Variants in NOP2 observed in about 807,000 individuals in gnomAD.
NOP2 encodes the protein NOP2 nucleolar protein.
A neutral mutation model predicts 72.7 loss-of-function variants in NOP2; 7 were observed. The observed-to-expected ratio is 0.10, with a 90% CI of 0.05 to 0.18. The LOEUF (loss-of-function observed/expected upper bound fraction) is 0.18, where lower values mean the gene tolerates loss of function less well. Among genes scored for constraint, NOP2 ranks in the 10% least tolerant of loss-of-function variants. NOP2 has a pLI of 1.00. For synonymous variants in NOP2, 387 were observed against 388.0 expected (o/e 1.00, Z 0.03); for missense variants, 954 against 1,014.7 (o/e 0.94, Z 0.81).
At chr12:6,567,031 T>C (rs1947798837) in intron 2 of NOP2, among the ~76,000 whole-genome samples, 1 of 151,906 alleles carries the variant, frequency 6.6e-6, no homozygotes, top group African/African-American at 2.4e-5. Flanking sequence ...TGGAGTGCAA[T>C]GGCGTGATCT....
At position 6,557,578 on chromosome 12, in the gene NOP2, G is replaced by A. The variant is rs200926235; in HGVS notation, c.1854C>T (p.Asn618=). 10 of 1,613,878 alleles carry A rather than the reference G, an allele frequency of 6.2e-6. No individual in the cohort carries two copies. In the African/African-American group the frequency reaches 8.0e-5, roughly 13 times the overall value. Residue 618 remains asparagine (N), a synonymous_variant, in exon 16 of 16, where the codon AAC becomes AAT. Transcript: ENST00000322166. Reference sequence around the variant, plus strand: ...TGGCTTTCTTGGCTGGCTGGCTGCTGTTCTCAGACTTGGGGATGACCTGAG... The same window carrying A: ...TGGCTTTCTTGGCTGGCTGGCTGCTATTCTCAGACTTGGGGATGACCTGAG... The part of the protein sequence containing the change: ...DLPQVIPKSE[N]SSQPAKKAKG...
Position 6,557,535 on chromosome 12 carries a change from T to C in NOP2, c.1897A>G (p.Lys633Glu), listed in dbSNP as rs539899594. 1 of 1,613,974 alleles carries C rather than the reference T, an allele frequency of 6.2e-7. No homozygotes were observed. The highest frequency in any genetic ancestry group is 2.2e-5 in the East Asian group (1 of 44,872). The part of the protein sequence containing the change: ...AKKAKGAAKT[K>E]QQLQKQQHPK... The stretch of plus-strand genomic sequence containing the variant: ...TGTTGCTGTTTCTGCAGCTGCTGCT[T>C]TGTCTTTGCAGCCCCCTTGGCTTTC... The change falls in exon 16 of 16, where the codon AAG (lysine) becomes GAG (glutamate). Residue 633 changes from lysine (K) to glutamate (E), a missense_variant. Transcript: ENST00000322166.
At chr12:6,563,279 A>G (rs1947694879) in intron 8 of NOP2, 36 bp downstream of exon 8, 1 of 1,561,948 alleles carries the variant, frequency 6.4e-7, no homozygotes, top group African/African-American at 1.4e-5. Context: ...GAGGCGAGAA[A>G]AGAAAAGCAA....
intron 15 of NOP2, among the ~76,000 whole-genome samples, chr12:6,558,730 C>G (rs1482114074): frequency 6.6e-6 from 1 of 151,726 alleles, no homozygotes; most frequent in East Asian, 1.9e-4. Context: ...CCTACCTCAG[C>G]CTCCAGAGTA....
chr12:6,561,532 G>T, intron 11 of NOP2, 132 bp downstream of exon 11: 1 of 1,151,662 alleles, frequency 8.7e-7, no homozygotes. Flanking sequence ...TCCAGAAACT[G>T]GTCCTCACCA....
rs756829555 is a variant in NOP2 at position 6,560,329 on chromosome 12, G to A, written c.1561-3C>T. ...ACCACCCACTCATTCTCTTCTACCT[G>A]GATGTGGGGGGAAGACAAAGAACGG... is the stretch of plus-strand genomic sequence containing the variant. On this transcript the variant is annotated splice_region_variant and splice_polypyrimidine_tract_variant and intron_variant, in intron 14 of 15. Transcript: ENST00000322166. This position sits in a 1 kb window ranked among gnomAD's most constrained non-coding sequence, Gnocchi z 5.0. 5 of 1,611,936 alleles carry A rather than the reference G, an allele frequency of 3.1e-6. No homozygotes were observed. The highest frequency in any genetic ancestry group is 4.2e-6 in the Non-Finnish European group (5 of 1,178,174).
At chr12:6,561,526 G>A in intron 11 of NOP2, 138 bp downstream of exon 11, 1 of 1,101,006 alleles carries the variant, frequency 9.1e-7, no homozygotes, top group Non-Finnish European at 1.3e-6. Context: ...GCCGACTCCA[G>A]AAACTGGTCC....
At chr12:6,558,180 TG>T in intron 15 of NOP2, 1 of 364,808 alleles carries the variant, frequency 2.7e-6, no homozygotes. Flanking sequence ...TGCCTATCCT[TG>T]GGCCAAAAGG....
rs895543112 is a variant in NOP2, at chr12:6,563,426, T to C, written c.777A>G (p.Glu259=). The change falls in exon 8 of 16, where the codon GAA becomes GAG. Residue 259 remains glutamate (E), a synonymous_variant. Coordinates refer to ENST00000322166, the MANE Select transcript of NOP2 (RefSeq NM_001258308.2). Reference sequence around the variant, plus strand: ...TCAGGTATTCAGAACGAGACCGCCCTTCCTCCCGCTGAGCCCCAAAATCAC... The same window carrying C: ...TCAGGTATTCAGAACGAGACCGCCCCTCCTCCCGCTGAGCCCCAAAATCAC... The part of the protein sequence containing the change: ...ILRDFGAQRE[E]GRSRSEYLNR... 3.7e-6 allele frequency: 6 copies of C among 1,609,192 alleles called. No homozygotes were observed. Among genetic ancestry groups the C allele is most frequent in the Admixed American group, 3.4e-5 (2 of 59,244 alleles).
At position 6,566,313 on chromosome 12, in the gene NOP2, T is replaced by A. The variant is rs1565592607; in HGVS notation, c.262A>T (p.Thr88Ser). ...GACTGGGGTCCCTTCTTACCAGCTGTCTGGACAGCTCCTGCAGAGATCCCT... is the reference window on the plus strand; with the variant it reads ...GACTGGGGTCCCTTCTTACCAGCTGACTGGACAGCTCCTGCAGAGATCCCT... The part of the protein sequence containing the change: ...PKGISAGAVQ[T>S]AGKKGPQSLF... The change falls in exon 5 of 16, where the codon ACA becomes TCA. Residue 88 changes from threonine to serine, a missense_variant. Around this residue, in one of 3 missense-constraint regions of NOP2, gnomAD observed 498 missense variants for 478.3 expected, o/e 1.04. Transcript: ENST00000322166. The A allele has an allele frequency of 6.2e-7, 1 of 1,613,652 alleles. No individual in the cohort carries two copies. Among genetic ancestry groups the A allele is most frequent in the Non-Finnish European group, 8.5e-7 (1 of 1,179,774 alleles).
chr12:6,560,855 G>A lies in NOP2; in HGVS notation c.1348-68C>T, dbSNP rs1251899767. The stretch of plus-strand genomic sequence containing the variant: ...CAGCAGGGCAATATTTACTAGGGTC[G>A]AGTCTAAACATTGAGGTCAGGAAGG... On this transcript the variant is annotated intron_variant, in intron 12 of 15. Transcript: ENST00000322166. The surrounding 1 kb of genome is among the most constrained non-coding windows in gnomAD (Gnocchi z 5.0). 2.5e-6 allele frequency: 4 copies of A among 1,608,334 alleles called. No homozygotes were observed. Among genetic ancestry groups the A allele is most frequent in the South Asian group, 1.1e-5 (1 of 90,420 alleles).
intron 2 of NOP2, among the ~76,000 whole-genome samples, chr12:6,567,312 T>C (rs1247189111): frequency 6.6e-6 from 1 of 152,152 alleles, no homozygotes; most frequent in East Asian, 1.9e-4. Context: ...TCCTACTATC[T>C]CAATAAACTG....
intron 5 of NOP2, among the ~76,000 whole-genome samples, chr12:6,565,340 CTT>C (rs1454624611): frequency 6.7e-6 from 1 of 149,352 alleles, no homozygotes; most frequent in East Asian, 1.9e-4. Flanking sequence ...CATTTTTTAA[CTT>C]AACTTTTTTT....
rs762179272 is a variant in NOP2, at chr12:6,566,797, C to G, written c.129G>C (p.Leu43=). Residue 43 remains leucine, a synonymous_variant, in exon 3 of 16, where the codon CTG becomes CTC. Coordinates refer to ENST00000322166, the MANE Select transcript of NOP2 (RefSeq NM_001258308.2). ...CTTACCTCTTTCGAGCACGACTAGA[C>G]AGCCTCTTGGAATTTTCGTCACTTA... The part of the protein sequence containing the change: ...PAVSDENSKR[L]SSRARKRAAK... The G allele has an allele frequency of 6.2e-7, 1 of 1,613,236 alleles. No homozygotes were observed. The highest frequency in any genetic ancestry group is 8.5e-7 in the Non-Finnish European group (1 of 1,179,530).
chr12:6,561,907 A>G lies in NOP2; in HGVS notation c.1043T>C (p.Val348Ala). Reference sequence around the variant, plus strand: ...ACCAATGGGCACAGAAGAATCATACACCACTAGTCCAGTCTTTGACCACTT... The same window carrying G: ...ACCAATGGGCACAGAAGAATCATACGCCACTAGTCCAGTCTTTGACCACTT... ...LGKWSKTGLV[V>A]YDSSVPIGAT... Residue 348 changes from valine to alanine, a missense_variant, in exon 10 of 16, where the codon GTG becomes GCG. Transcript: ENST00000322166. The G allele has an allele frequency of 6.2e-7, 1 of 1,611,760 alleles. No individual in the cohort carries two copies. Among genetic ancestry groups the G allele is most frequent in the African/African-American group, 1.3e-5 (1 of 74,728 alleles).
At chr12:6,566,398 G>C (rs939264524) in intron 4 of NOP2, 62 bp from the exon 5 acceptor site, 2 of 1,513,922 alleles carry the variant, frequency 1.3e-6, no homozygotes, top group Non-Finnish European at 1.8e-6. Flanking sequence ...CACACCCTGG[G>C]AGCCTGTACT....
Position 6,560,453 on chromosome 12 carries a change from A to G in NOP2, c.1554T>C (p.Ser518=). 3 of 1,597,864 alleles carry G rather than the reference A, an allele frequency of 1.9e-6. No homozygotes were observed. Among genetic ancestry groups the G allele is most frequent in the Non-Finnish European group, 2.6e-6 (3 of 1,170,972 alleles). The change falls in exon 14 of 16, where the codon TCT becomes TCC. Residue 518 remains serine, a synonymous_variant. Transcript: ENST00000322166. This position sits in a 1 kb window ranked among gnomAD's most constrained non-coding sequence, Gnocchi z 5.0. ...TGGYLVYCTC[S]ITVEENEWVV... is the part of the protein sequence containing the mutation. Reference sequence around the variant, plus strand: ...GCCATGGCAGAGGTCTCACTGTGATAGAACAGGTGCAGTAAACCAGGTAGC... The same window carrying G: ...GCCATGGCAGAGGTCTCACTGTGATGGAACAGGTGCAGTAAACCAGGTAGC...
At chr12:6,563,977 C>T (rs1211560333) in intron 5 of NOP2, 31 bp from the exon 6 acceptor site, 12 of 1,607,320 alleles carry the variant, frequency 7.5e-6, no homozygotes, top group Non-Finnish European at 1.0e-5. Flanking sequence ...TTAATACAGG[C>T]CTGCCCTTCC....
At position 6,557,224 on chromosome 12, in the gene NOP2, A is replaced by C. The variant is rs765121276; in HGVS notation, c.2208T>G (p.Thr736=). The C allele has an allele frequency of 1.2e-6, 2 of 1,613,880 alleles. No homozygotes were observed. Among genetic ancestry groups the C allele is most frequent in the Non-Finnish European group, 1.7e-6 (2 of 1,179,862 alleles). Residue 736 remains threonine (T), a synonymous_variant, in exon 16 of 16, where the codon ACT becomes ACG. Transcript: ENST00000322166. ...QTPAVLSPSK[T]QATLKPKDHH... ...GGTCCTTAGGTTTCAGGGTGGCCTG[A>C]GTCTTGGATGGGGATAACACAGCCG...
Sources: allele counts gnomAD v4.1 joint callset (sites outside exome capture counted in the v4.1 genomes callset), GRCh38; gene constraint gnomAD v4.1.1; regional missense constraint gnomAD v4.1.1; non-coding constraint Gnocchi (gnomAD v3.1); transcripts MANE v1.5; gene names NCBI Gene and HGNC (gene_info 2026-07-23, HGNC 2026-07-21).